Variants in ARRDC3 observed in about 807,000 individuals in gnomAD.
ARRDC3 encodes arrestin domain containing 3, also known as arrestin domain-containing protein 3.
In ARRDC3, 10 loss-of-function variants were observed where a neutral mutation model predicts 47.2. That is an observed-to-expected ratio of 0.21 (90% CI 0.13 to 0.36). ARRDC3 has a LOEUF of 0.36. ARRDC3 is among the 10% of genes least tolerant of loss of function. The pLI, the probability that ARRDC3 is intolerant of heterozygous loss-of-function variation, is 1.00. For missense variants in ARRDC3, 381 were observed against 503.6 expected (o/e 0.76, Z 2.33); for synonymous variants, 156 against 178.3 (o/e 0.87, Z 1.00).
chr5:91,374,697 G>A (rs765384323), intron 5 of ARRDC3, among the ~76,000 whole-genome samples: 5 of 152,020 alleles, frequency 3.3e-5, no homozygotes, highest in Admixed American at 1.3e-4. Flanking sequence ...CAACCTGGGC[G>A]ACATGGTCAA....
chr5:91,374,446 A>G (rs1045992398), intron 5 of ARRDC3, among the ~76,000 whole-genome samples, 170 bp from the exon 6 acceptor site: 1 of 152,244 alleles, frequency 6.6e-6, no homozygotes, highest in Non-Finnish European at 1.5e-5. Flanking sequence ...ATTTACATAT[A>G]AGGTATAATT....
chr5:91,376,633 A>C lies in ARRDC3; in HGVS notation c.498T>G (p.Thr166=), dbSNP rs973001765. 1 of 1,608,228 alleles carries C rather than the reference A, an allele frequency of 6.2e-7. No individual in the cohort carries two copies. The highest frequency in any genetic ancestry group is 1.3e-5 in the African/African-American group (1 of 74,860). The change falls in exon 3 of 8, where the codon ACT becomes ACG. Residue 166 remains threonine (T), a synonymous_variant. Transcript: ENST00000265138. Reference sequence around the variant, plus strand: ...AGTCAATTCTTACCAGTAATGAAGGAGTGTTGATATCTATATGCTCAAAGA... The same window carrying C: ...AGTCAATTCTTACCAGTAATGAAGGCGTGTTGATATCTATATGCTCAAAGA... ...FTVFEHIDIN[T]PSLLSPQAGT...
intron 1 of ARRDC3, chr5:91,380,265 T>G (rs1315375742): frequency 6.5e-6 from 1 of 153,012 alleles, no homozygotes; most frequent in Non-Finnish European, 1.5e-5. Flanking sequence ...ACATACGGCA[T>G]ACGTCGCGCG....
Position 91,374,972 on chromosome 5 carries a change from A to C in ARRDC3, c.820T>G (p.Ser274Ala), listed in dbSNP as rs1799265722. 1 of 1,614,078 alleles carries C rather than the reference A, an allele frequency of 6.2e-7. No individual in the cohort carries two copies. Among genetic ancestry groups the C allele is most frequent in the Non-Finnish European group, 8.5e-7 (1 of 1,180,018 alleles). Residue 274 changes from serine (S) to alanine (A), a missense_variant, in exon 5 of 8, where the codon TCT (serine) becomes GCT (alanine). By Grantham distance (99) the Ser-to-Ala change is moderately conservative (BLOSUM62 1). Coordinates refer to ENST00000265138, the MANE Select transcript of ARRDC3 (RefSeq NM_020801.4). Reference sequence around the variant, plus strand: ...ATACTACAGTCGAGGATAGAGGGAGAAACTGGTGGAATTTTCAGCAACTTG... The same window carrying C: ...ATACTACAGTCGAGGATAGAGGGAGCAACTGGTGGAATTTTCAGCAACTTG... ...NGKLLKIPPV[S>A]PSILDCSIIR... is the part of the protein sequence containing the mutation.
At chr5:91,380,193 G>C (rs1799413957) in intron 1 of ARRDC3, 2 of 162,846 alleles carry the variant, frequency 1.2e-5, no homozygotes, top group African/African-American at 2.4e-5. Context: ...GGCGCGAGCA[G>C]ATCCCAGCCG....
At chr5:91,378,646 C>T in intron 2 of ARRDC3, 48 bp downstream of exon 2, 1 of 1,038,744 alleles carries the variant, frequency 9.6e-7, no homozygotes, top group Non-Finnish European at 1.4e-6. Context: ...TAAAATAATG[C>T]TCTGATCATA....
At chr5:91,378,363 AATG>A (rs1172856989) in intron 2 of ARRDC3, among the ~76,000 whole-genome samples, 2 of 152,096 alleles carry the variant, frequency 1.3e-5, no homozygotes, top group African/African-American at 4.8e-5. Flanking sequence ...CTTTTCTCAT[AATG>A]ATAATTGATA....
In ARRDC3 at chr5:91,374,250, C is replaced by T. The variant is rs1799247807; in HGVS notation, c.897G>A (p.Met299Ile). 6.2e-7 allele frequency: 1 copy of T among 1,613,486 alleles called. No homozygotes were observed. Among genetic ancestry groups the T allele is most frequent in the Middle Eastern group, 1.7e-4 (1 of 6,058 alleles). The change falls in exon 6 of 8, where the codon ATG (methionine) becomes ATA (isoleucine). Residue 299 changes from methionine to isoleucine, a missense_variant. Transcript: ENST00000265138. ...CAAGTGGCAAATTAAGAAATAAATCCATAGCTCCAGGAATATCCACATATA... is the reference window on the plus strand; with the variant it reads ...CAAGTGGCAAATTAAGAAATAAATCTATAGCTCCAGGAATATCCACATATA... ...LMVYVDIPGAMDLFLNLPLVI... is the reference protein window; with the variant it reads ...LMVYVDIPGAIDLFLNLPLVI...
At chr5:91,373,859 C>T in intron 6 of ARRDC3, 21 bp from the exon 7 acceptor site, 1 of 1,613,184 alleles carries the variant, frequency 6.2e-7, no homozygotes, top group Non-Finnish European at 8.5e-7. Context: ...AAGATACACG[C>T]AATTCGAACA....
intron 7 of ARRDC3, among the ~76,000 whole-genome samples, chr5:91,372,475 C>T (rs1799199574): frequency 6.6e-6 from 1 of 152,102 alleles, no homozygotes; most frequent in Non-Finnish European, 1.5e-5. Flanking sequence ...AGCCAGGAAG[C>T]CTCAAATCAA....
chr5:91,379,643 C>A (rs561353087), intron 1 of ARRDC3, among the ~76,000 whole-genome samples: 1 of 151,348 alleles, frequency 6.6e-6, no homozygotes, highest in Non-Finnish European at 1.5e-5. Flanking sequence ...TAAATATAAT[C>A]GAAAATATGG....
chr5:91,383,272 T>C lies in ARRDC3; in HGVS notation c.-180A>G, dbSNP rs1304700936. 3 of 598,532 alleles carry C rather than the reference T, an allele frequency of 5.0e-6. No homozygotes were observed. Among genetic ancestry groups the C allele is most frequent in the Non-Finnish European group, 8.4e-6 (3 of 359,268 alleles). 37.1% of individuals were successfully genotyped at this position (598,532 alleles called of 1,614,324 possible). ...CTTAAAAAGTCAGGGCAGCAGAGGC[T>C]GCTGCTCCGCGCTCCCGCTCGTCTC... On this transcript the variant is annotated 5_prime_UTR_variant, in exon 1 of 8. Transcript: ENST00000265138.
chr5:91,383,115 A>G lies in ARRDC3; in HGVS notation c.-23T>C, dbSNP rs770456533. On this transcript the variant is annotated 5_prime_UTR_variant, in exon 1 of 8. Coordinates refer to ENST00000265138, the MANE Select transcript of ARRDC3 (RefSeq NM_020801.4). Reference sequence around the variant, plus strand: ...CATGTTTATAACAAAATCTATAAAAATATAATGTAAGACAAAAAAGTCAAG... The same window carrying G: ...CATGTTTATAACAAAATCTATAAAAGTATAATGTAAGACAAAAAAGTCAAG... 33 of 1,559,790 alleles carry G rather than the reference A, an allele frequency of 2.1e-5. 1 individual carries two copies. Among genetic ancestry groups the G allele is most frequent in the Middle Eastern group, 3.4e-4 (2 of 5,804 alleles).
At chr5:91,380,266 A>T (rs1486395021) in intron 1 of ARRDC3, 1 of 152,992 alleles carries the variant, frequency 6.5e-6, no homozygotes, top group Non-Finnish European at 1.5e-5. Context: ...CATACGGCAT[A>T]CGTCGCGCGG....
At position 91,369,605 on chromosome 5, in the gene ARRDC3, A is replaced by C. The variant is rs1799122055; in HGVS notation, c.*1795T>G. ...TTTAAGACAGTATTTAACCAGGTCA[A>C]GCACCAAGCCAGAGCTACTATTATT... On this transcript the variant is annotated 3_prime_UTR_variant, in exon 8 of 8. Coordinates refer to ENST00000265138, the MANE Select transcript of ARRDC3 (RefSeq NM_020801.4). 1 of 152,562 alleles carries C rather than the reference A, an allele frequency of 6.6e-6. No homozygotes were observed. The highest frequency in any genetic ancestry group is 1.5e-5 in the Non-Finnish European group (1 of 68,032). 9.5% of individuals were successfully genotyped at this position (152,562 alleles called of 1,614,324 possible).
At chr5:91,374,718 T>G (rs1799258685) in intron 5 of ARRDC3, among the ~76,000 whole-genome samples, 1 of 151,944 alleles carries the variant, frequency 6.6e-6, no homozygotes, top group East Asian at 1.9e-4. Context: ...ACTCCATCAC[T>G]ACAAAAAATA....
intron 1 of ARRDC3, 103 bp downstream of exon 1, chr5:91,382,710 C>G (rs1322322399): frequency 3.9e-6 from 5 of 1,279,876 alleles, no homozygotes; most frequent in Non-Finnish European, 5.4e-6. Context: ...CTTTCTCAAA[C>G]TGCTTAGTTA....
At chr5:91,373,875 T>C in intron 6 of ARRDC3, 37 bp from the exon 7 acceptor site, 1 of 1,611,080 alleles carries the variant, frequency 6.2e-7, no homozygotes, top group East Asian at 2.2e-5. Flanking sequence ...GAACAGCATG[T>C]TCTTATGCAT....
rs977790301 is a variant in ARRDC3, at chr5:91,372,217, C to T, written c.1189-761G>A. ...ATTTTTTACTGAAAGAGCTTTTGGA[C>T]GAGACCCCATCCACTTGCATCTAAA... On this transcript the variant is annotated intron_variant, in intron 7 of 7. Coordinates refer to ENST00000265138, the MANE Select transcript of ARRDC3 (RefSeq NM_020801.4). Among the ~76,000 whole-genome samples the T allele has an allele frequency of 9.2e-5, 14 of 152,192 alleles. No individual in the cohort carries two copies. In the East Asian group the frequency reaches 1.5e-3, roughly 17 times the overall value.
Sources: gnomAD v4.1 joint callset for allele counts (sites outside exome capture counted in the v4.1 genomes callset) on GRCh38, gnomAD v4.1.1 for gene constraint, MANE v1.5 for transcripts, NCBI Gene and HGNC (gene_info 2026-07-23, HGNC 2026-07-21) for gene names.